TBXAS1: variants seen among roughly 807,000 people sequenced by gnomAD.
TBXAS1 encodes the protein thromboxane A synthase 1.
TBXAS1 carries 48 observed loss-of-function variants against 60.7 expected under a neutral mutation model. The observed-to-expected ratio is 0.79, with a 90% confidence interval of 0.63 to 1.01. The LOEUF is 1.01. Ranked by LOEUF, TBXAS1 falls within the 50% of genes least tolerant of loss-of-function variation. The pLI, the probability that TBXAS1 is intolerant of heterozygous loss-of-function variation, is 0.00. For missense variants in TBXAS1, 685 were observed against 686.3 expected, an observed-to-expected ratio of 1.00 and a Z score of 0.02; for synonymous variants, 287 against 269.7, an observed-to-expected ratio of 1.06 and a Z score of -0.63.
chr7:139,870,295 C>T (rs927019917), intron 1 of TBXAS1, among the ~76,000 whole-genome samples: 6 of 152,184 alleles, frequency 3.9e-5, no homozygotes, highest in African/African-American at 1.2e-4. Context: ...GTCCTTTAGA[C>T]AATCAAGACA....
chr7:139,869,885 G>A (rs1801696814), intron 1 of TBXAS1, among the ~76,000 whole-genome samples: 1 of 152,174 alleles, frequency 6.6e-6, no homozygotes, highest in Non-Finnish European at 1.5e-5. Flanking sequence ...GGGACCCTGA[G>A]ACCAGAGGGT....
chr7:140,013,983 C>T lies in TBXAS1; in HGVS notation c.1227-1740C>T, dbSNP rs1006839242. ...AGCTACAGGTTTCACCAGCTAACTG[C>T]GACTCTAGCCTCAGCTCTGGGGCCA... On this transcript the variant is annotated intron_variant, in intron 10 of 12. Coordinates refer to ENST00000448866, the MANE Select transcript of TBXAS1 (RefSeq NM_001061.7). The surrounding 1 kb of genome is among the most constrained non-coding windows in gnomAD (Gnocchi z 4.2). 2.6e-5 allele frequency among the ~76,000 whole-genome samples: 4 copies of T among 152,208 alleles called. No individual in the cohort carries two copies. The highest frequency in any genetic ancestry group is 1.3e-4 in the Admixed American group (2 of 15,284).
At chr7:139,952,010 GAA>G (rs375404174) in intron 5 of TBXAS1, among the ~76,000 whole-genome samples, 203 of 135,188 alleles carry the variant, frequency 1.5e-3, no homozygotes, top group Non-Finnish European at 2.4e-3. Context: ...AAGAAAGAAA[GAA>G]AAAGAAAGGA....
intron 5 of TBXAS1, among the ~76,000 whole-genome samples, chr7:139,937,185 T>C (rs1807861411): frequency 6.6e-6 from 1 of 152,192 alleles, no homozygotes; most frequent in African/African-American, 2.4e-5. Flanking sequence ...CCTTATGATG[T>C]GAAGGGGCTA....
At chr7:139,854,194 G>C (rs923491713) in intron 1 of TBXAS1, among the ~76,000 whole-genome samples, 4 of 152,036 alleles carry the variant, frequency 2.6e-5, no homozygotes, top group African/African-American at 7.2e-5. Flanking sequence ...CCCTAGGTTT[G>C]TTCTTGCCTC....
rs116239596 is a variant in TBXAS1 at position 139,821,818 on chromosome 7, G to A, written c.-79-7494G>A. On this transcript the variant is annotated intron_variant, in intron 4 of 16. Coordinates refer to the TBXAS1 transcript ENST00000336425. ...CCAAACCCCCTTTTCTCTAGGTCTT[G>A]TCTCTCTACACCCTCCACTTTGCCA... Among the ~76,000 whole-genome samples the A allele has an allele frequency of 4.8e-3, 737 of 152,326 alleles. 5 individuals carry two copies. The highest frequency in any genetic ancestry group is 0.016 in the African/African-American group (676 of 41,582).
At chr7:139,965,111 G>A (rs572344039) in intron 9 of TBXAS1, among the ~76,000 whole-genome samples, 3 of 152,254 alleles carry the variant, frequency 2.0e-5, no homozygotes, top group South Asian at 4.1e-4. Flanking sequence ...CCAGCTACTC[G>A]GGAGGCTGAG....
At chr7:139,883,361 G>A (rs1228507086) in intron 3 of TBXAS1, among the ~76,000 whole-genome samples, 1 of 152,142 alleles carries the variant, frequency 6.6e-6, no homozygotes, top group Non-Finnish European at 1.5e-5. Context: ...CCCTTCTGAA[G>A]TTTACCTAAT....
chr7:139,786,277 G>T (rs73475948), intron 3 of TBXAS1, among the ~76,000 whole-genome samples: 3,275 of 151,888 alleles, frequency 0.022, 114 homozygotes, highest in African/African-American at 0.075. Context: ...GGAAGGGGAA[G>T]ATAAACTATA....
intron 3 of TBXAS1, chr7:139,906,214 C>A: frequency 5.0e-6 from 1 of 199,850 alleles, no homozygotes; most frequent in African/African-American, 2.4e-5. Flanking sequence ...TGCCACCATG[C>A]CCAGATAGTT....
In TBXAS1 at chr7:139,783,232, G is replaced by A. The variant is rs377738876; in HGVS notation, c.-169+503G>A. On this transcript the variant is annotated intron_variant, in intron 3 of 16. Coordinates refer to the TBXAS1 transcript ENST00000336425. The stretch of plus-strand genomic sequence containing the variant: ...TTACACTGGCAAAATCAGGGGAATA[G>A]GGAAACATCATTCATTTTTCTGCTT... Among the ~76,000 whole-genome samples the A allele has an allele frequency of 8.7e-4, 133 of 152,198 alleles. 1 individual carries two copies. The highest frequency in any genetic ancestry group is 1.4e-3 in the Non-Finnish European group (93 of 68,018).
intron 3 of TBXAS1, among the ~76,000 whole-genome samples, chr7:139,784,231 T>C (rs1440842595): frequency 6.8e-6 from 1 of 147,716 alleles, no homozygotes; most frequent in Admixed American, 6.8e-5. Context: ...TCTTTCTCTC[T>C]CTCTCTCTCT....
At chr7:139,998,508 C>T (rs1020642187) in intron 9 of TBXAS1, among the ~76,000 whole-genome samples, 2 of 152,236 alleles carry the variant, frequency 1.3e-5, no homozygotes, top group Admixed American at 6.5e-5. Context: ...ACTGGCCGTG[C>T]GACCTGGGAC....
chr7:139,930,956 G>T (rs1807277151), intron 4 of TBXAS1, among the ~76,000 whole-genome samples: 1 of 152,060 alleles, frequency 6.6e-6, no homozygotes, highest in South Asian at 2.1e-4. Context: ...ACAACTCCTA[G>T]GTTTGGGGTT....
At chr7:139,886,374 CTT>C (rs1278675576) in intron 3 of TBXAS1, among the ~76,000 whole-genome samples, 2 of 143,980 alleles carry the variant, frequency 1.4e-5, no homozygotes, top group East Asian at 4.1e-4. Context: ...AGGAGGCACT[CTT>C]TGCAGATGAA....
intron 9 of TBXAS1, among the ~76,000 whole-genome samples, chr7:140,006,835 G>T (rs1289354909): frequency 5.9e-5 from 9 of 152,114 alleles, no homozygotes; most frequent in Admixed American, 5.9e-4. Flanking sequence ...TGTGGTTGCC[G>T]CTGCAGTTTT....
At position 140,016,291 on chromosome 7, in the gene TBXAS1, A is replaced by G. The variant is rs187019918; in HGVS notation, c.1364+431A>G. ...TGCAGTGAGCCGAGATGGTGCCACT[A>G]CACTCCAGCCTGGGTGACAGAGCAA... On this transcript the variant is annotated intron_variant, in intron 11 of 12. Coordinates refer to ENST00000448866, the MANE Select transcript of TBXAS1 (RefSeq NM_001061.7). 5.3e-3 allele frequency: 1,511 copies of G among 286,328 alleles called. 24 individuals carry two copies. The highest frequency in any genetic ancestry group is 0.032 in the African/African-American group (1,429 of 44,704). 17.7% of individuals were successfully genotyped at this position (286,328 alleles called of 1,614,324 possible).
At chr7:139,987,268 C>A (rs915573984) in intron 9 of TBXAS1, among the ~76,000 whole-genome samples, 1 of 152,170 alleles carries the variant, frequency 6.6e-6, no homozygotes, top group African/African-American at 2.4e-5. Flanking sequence ...AATAGAAAAG[C>A]AAGAGGAAGC....
intron 9 of TBXAS1, among the ~76,000 whole-genome samples, chr7:139,979,729 A>G (rs1391134931): frequency 4.8e-5 from 1 of 20,832 alleles, no homozygotes; most frequent in Non-Finnish European, 1.1e-4. Context: ...TTCCATCTCA[A>G]TAATAATAAT....
Sources: allele counts gnomAD v4.1 joint callset (sites outside exome capture counted in the v4.1 genomes callset), GRCh38; gene constraint gnomAD v4.1.1; non-coding constraint Gnocchi (gnomAD v3.1); transcripts MANE v1.5; gene names NCBI Gene and HGNC (gene_info 2026-07-23, HGNC 2026-07-21).